The following TBC1D8 variants were observed in gnomAD, a reference collection of about 807,000 sequenced individuals.
The protein encoded by TBC1D8 is BUB2-like protein 1.
Under a neutral mutation model 118.8 loss-of-function variants are expected in TBC1D8, and 65 were observed. That is an observed-to-expected ratio of 0.55 (90% CI 0.45 to 0.67). The LOEUF is 0.67. Among genes scored for constraint, TBC1D8 ranks in the 30% least tolerant of loss-of-function variants. The pLI is 0.00. For missense variants in TBC1D8, 1,376 were observed against 1,471.2 expected (o/e 0.94, Z 1.06); for synonymous variants, 566 against 595.8 (o/e 0.95, Z 0.73).
At chr2:101,091,208 C>G (rs1447711664) in intron 1 of TBC1D8, among the ~76,000 whole-genome samples, 1 of 151,842 alleles carries the variant, frequency 6.6e-6, no homozygotes, top group Non-Finnish European at 1.5e-5. Context: ...TCGCTTGATC[C>G]CAGCAGGTGG....
chr2:101,055,293 G>A (rs1380326682), intron 3 of TBC1D8, among the ~76,000 whole-genome samples: 3 of 151,734 alleles, frequency 2.0e-5, no homozygotes, highest in East Asian at 2.0e-4. Context: ...GGAGGCTGAG[G>A]CACAAGAATC....
intron 4 of TBC1D8, 108 bp downstream of exon 4, chr2:101,054,000 C>G (rs547672618): frequency 3.4e-5 from 34 of 995,782 alleles, no homozygotes; most frequent in Admixed American, 3.2e-4. Context: ...TCATCTCCAC[C>G]ATTTATTTAA....
intron 17 of TBC1D8, chr2:101,018,871 A>G (rs1679846484): frequency 3.2e-6 from 4 of 1,232,254 alleles, no homozygotes; most frequent in Non-Finnish European, 4.5e-6. Flanking sequence ...TAACTAAGCA[A>G]AATGGCCAAT....
chr2:101,104,758 G>A (rs1296730426), intron 1 of TBC1D8, among the ~76,000 whole-genome samples: 3 of 152,208 alleles, frequency 2.0e-5, no homozygotes, highest in African/African-American at 7.2e-5. Context: ...GCTCATGCCT[G>A]TAATCCCAGC....
At chr2:101,079,600 T>C (rs1573994784) in intron 2 of TBC1D8, among the ~76,000 whole-genome samples, 1 of 149,018 alleles carries the variant, frequency 6.7e-6, no homozygotes, top group Non-Finnish European at 1.5e-5. Flanking sequence ...GGTCTGAAAC[T>C]CTTGGCCTCA....
At chr2:101,066,979 T>A (rs1162449450) in intron 2 of TBC1D8, among the ~76,000 whole-genome samples, 2 of 149,474 alleles carry the variant, frequency 1.3e-5, no homozygotes, top group Admixed American at 6.7e-5. Flanking sequence ...ATCAAAGTTA[T>A]ACTGACACTA....
chr2:101,129,143 TG>T (rs1357001196), intron 1 of TBC1D8, among the ~76,000 whole-genome samples: 1 of 152,188 alleles, frequency 6.6e-6, no homozygotes, highest in African/African-American at 2.4e-5. Context: ...TATTTTGTTT[TG>T]TTTTTTTTAA....
intron 1 of TBC1D8, among the ~76,000 whole-genome samples, chr2:101,121,389 A>G (rs1678102588): frequency 6.6e-6 from 1 of 152,198 alleles, no homozygotes. Context: ...AGAGGCGGAC[A>G]CAGTCCTATC....
chr2:101,110,715 A>G (rs1472151750), intron 1 of TBC1D8, among the ~76,000 whole-genome samples: 2 of 152,120 alleles, frequency 1.3e-5, no homozygotes. Context: ...GGTGTCTCAC[A>G]TCTGTAATCC....
intron 1 of TBC1D8, among the ~76,000 whole-genome samples, chr2:101,092,212 A>C (rs1676083954): frequency 6.6e-6 from 1 of 152,190 alleles, no homozygotes; most frequent in Non-Finnish European, 1.5e-5. Flanking sequence ...TTTATAGGCC[A>C]GTTTTTCTTG....
chr2:101,040,309 C>A lies in TBC1D8; in HGVS notation c.949G>T (p.Val317Phe). 6.2e-7 allele frequency: 1 copy of A among 1,614,040 alleles called. No homozygotes were observed. The highest frequency in any genetic ancestry group is 8.5e-7 in the Non-Finnish European group (1 of 1,179,900). ...RLPRKEKLHA[V>F]VDCSLWTPFS... ...GGCGTCCAGAGCGAACAGTCCACAA[C>A]CGCGTGCAGCTTCTCCTTCCTCGGC... Residue 317 changes from valine to phenylalanine, a missense_variant, in exon 6 of 20, where the codon GTT becomes TTT. Val to Phe is a conservative substitution (Grantham distance 50). Transcript: ENST00000409318.
At position 101,057,680 on chromosome 2, in the gene TBC1D8, C is replaced by T. The variant is rs190393063; in HGVS notation, c.402+1741G>A. Among the ~76,000 whole-genome samples the T allele has an allele frequency of 2.7e-4, 41 of 152,172 alleles. 1 individual carries two copies. The East Asian group carries it at 7.2e-3, about 27-fold the overall frequency. ...CTCTACAAAAAATAAAAACATTAGC[C>T]AGGTGTGGTGGTGTGTGCTTGCAGC... On this transcript the variant is annotated intron_variant, in intron 3 of 19. Coordinates refer to ENST00000409318, the MANE Select transcript of TBC1D8 (RefSeq NM_001330348.2).
intron 1 of TBC1D8, among the ~76,000 whole-genome samples, chr2:101,149,111 A>G (rs1453926895): frequency 2.6e-5 from 4 of 152,220 alleles, no homozygotes; most frequent in African/African-American, 9.6e-5. Context: ...AAATACATCA[A>G]GTGTCCTCTT....
At chr2:101,110,109 G>T in intron 1 of TBC1D8, 2 of 743,534 alleles carry the variant, frequency 2.7e-6, no homozygotes, top group Non-Finnish European at 3.3e-6. Context: ...TATAATTAGG[G>T]CCCAAATAGA....
intron 3 of TBC1D8, among the ~76,000 whole-genome samples, chr2:101,056,485 C>T (rs1286280125): frequency 2.0e-5 from 3 of 152,268 alleles, no homozygotes; most frequent in East Asian, 1.9e-4. Context: ...CGTGAGCCAC[C>T]GCGCCCGGCC....
chr2:101,095,870 G>A (rs1003851556), intron 1 of TBC1D8, among the ~76,000 whole-genome samples: 1 of 152,068 alleles, frequency 6.6e-6, no homozygotes, highest in Non-Finnish European at 1.5e-5. Context: ...GGATGTAAGG[G>A]TAGGAGGAAC....
At chr2:101,011,643 C>A in intron 17 of TBC1D8, 103 bp from the exon 18 acceptor site, 1 of 1,215,986 alleles carries the variant, frequency 8.2e-7, no homozygotes, top group Non-Finnish European at 1.2e-6. Context: ...CAGCAGCTCC[C>A]AGCCTGTGGA....
intron 1 of TBC1D8, among the ~76,000 whole-genome samples, chr2:101,116,965 A>G (rs1220023568): frequency 6.6e-6 from 1 of 152,070 alleles, no homozygotes; most frequent in Non-Finnish European, 1.5e-5. Flanking sequence ...AATGTTATTT[A>G]AGATGAGGTC....
At chr2:101,104,078 A>C (rs2105472203) in intron 1 of TBC1D8, among the ~76,000 whole-genome samples, 1 of 152,300 alleles carries the variant, frequency 6.6e-6, no homozygotes, top group South Asian at 2.1e-4. Flanking sequence ...GAACAACTGG[A>C]ATTTGAACAA....
Sources: allele counts gnomAD v4.1 joint callset (sites outside exome capture counted in the v4.1 genomes callset), GRCh38; gene constraint gnomAD v4.1.1; transcripts MANE v1.5; gene names NCBI Gene and HGNC (gene_info 2026-07-23, HGNC 2026-07-21).